The following C5 variants were observed in gnomAD, a reference collection of about 807,000 sequenced individuals.
C5 encodes the protein C3 and PZP-like alpha-2-macroglobulin domain-containing protein 4.
C5 carries 140 observed loss-of-function variants against 218.8 expected under a neutral mutation model. That is an observed-to-expected ratio of 0.64 (90% CI 0.56 to 0.74). The LOEUF is 0.74. Among genes scored for constraint, C5 ranks in the 30% least tolerant of loss-of-function variants. The pLI is 0.00. For missense variants in C5, 1,700 were observed against 1,969.6 expected, an observed-to-expected ratio of 0.86 and a Z score of 2.59; for synonymous variants, 614 against 682.3, an observed-to-expected ratio of 0.90 and a Z score of 1.56.
chr9:121,073,511 C>CTTTT, the C5 span, among the ~76,000 whole-genome samples: 7 of 73,012 alleles, frequency 9.6e-5, no homozygotes, highest in Admixed American at 3.9e-4. Context: ...GAAAACTGGA[C>CTTTT]TTTTTTTTTT....
chr9:120,993,899 G>A (rs535261554), intron 22 of C5, among the ~76,000 whole-genome samples: 1 of 152,320 alleles, frequency 6.6e-6, no homozygotes, highest in South Asian at 2.1e-4. Flanking sequence ...GAAGGGGAAT[G>A]GGAATGGGGT....
intron 39 of C5, among the ~76,000 whole-genome samples, chr9:120,955,013 A>C (rs1271831781): frequency 2.6e-5 from 4 of 152,222 alleles, no homozygotes; most frequent in Non-Finnish European, 5.9e-5. Context: ...AAGAGAGAAC[A>C]GGCAACTACC....
chr9:120,975,555 G>A (rs955063816), intron 29 of C5, among the ~76,000 whole-genome samples: 12 of 152,066 alleles, frequency 7.9e-5, no homozygotes, highest in African/African-American at 2.7e-4. Context: ...GTCATGGGGC[G>A]TACCACTTTC....
At chr9:120,957,503 C>G (rs2046795176) in intron 38 of C5, 135 bp from the exon 39 acceptor site, 8 of 679,300 alleles carry the variant, frequency 1.2e-5, no homozygotes, top group South Asian at 1.5e-5. Context: ...CTCCAAGAAG[C>G]CTTCCCCAAT....
At position 120,974,820 on chromosome 9, in the gene C5, AATT is replaced by A; in HGVS notation, c.3973_3975del (p.Asn1325del). 1 of 1,614,058 alleles carries A rather than the reference AATT, an allele frequency of 6.2e-7. No homozygotes were observed. The highest frequency in any genetic ancestry group is 8.5e-7 in the Non-Finnish European group (1 of 1,179,888). On this transcript the variant is annotated inframe_deletion, in exon 30 of 41. Coordinates refer to ENST00000223642, the MANE Select transcript of C5 (RefSeq NM_001735.3). ...AGGAAATTCTTGTCTGTCATTTTAT[AATT>A]ATGTAAGGCACCTTTATGCTTGTAA...
rs1452496411 is a variant in C5, at chr9:121,008,388, A to G, written c.2348+20T>C. 1.5e-5 allele frequency: 23 copies of G among 1,557,612 alleles called. No individual in the cohort carries two copies. The highest frequency in any genetic ancestry group is 1.9e-5 in the Non-Finnish European group (22 of 1,128,870). On this transcript the variant is annotated intron_variant, in intron 18 of 40. Coordinates refer to ENST00000223642, the MANE Select transcript of C5 (RefSeq NM_001735.3). ...CATTATCCACATTTCTTTCAAGGAA[A>G]CATGAAAGAAGTATAATACCTTCTG...
rs1392255468 is a variant in C5, at chr9:121,037,837, T to C, written c.492+44A>G. On this transcript the variant is annotated intron_variant, in intron 4 of 40. Transcript: ENST00000223642. The stretch of plus-strand genomic sequence containing the variant: ...GGGTTATGAAATGAGATTCTTGTCC[T>C]GAAAAATGAATTAAAGTATTATTTA... 3.5e-6 allele frequency: 3 copies of C among 866,980 alleles called. No individual in the cohort carries two copies. In the East Asian group the frequency reaches 8.1e-5, roughly 23 times the overall value. The allele number at this position is 866,980 out of a possible 1,614,324, so 53.7% of individuals were successfully genotyped here.
chr9:121,014,158 T>G, intron 16 of C5, 88 bp from the exon 17 acceptor site: 5 of 1,108,864 alleles, frequency 4.5e-6, no homozygotes, highest in Non-Finnish European at 4.0e-6. Flanking sequence ...ACCTGGTTTC[T>G]GTTGCTATAT....
chr9:121,071,280 A>C, the C5 span, among the ~76,000 whole-genome samples: 1 of 152,192 alleles, frequency 6.6e-6, no homozygotes, highest in Non-Finnish European at 1.5e-5. Flanking sequence ...TGATCGTGCT[A>C]CTGCACTCCA....
intron 20 of C5, 120 bp downstream of exon 20, chr9:121,005,799 G>A: frequency 1.1e-6 from 1 of 945,464 alleles, no homozygotes; most frequent in Admixed American, 1.9e-5. Flanking sequence ...TTAAGTGTTT[G>A]GTTTCTATTG....
intron 17 of C5, among the ~76,000 whole-genome samples, chr9:121,009,677 C>A (rs943875888): frequency 6.6e-6 from 1 of 152,242 alleles, no homozygotes; most frequent in Non-Finnish European, 1.5e-5. Flanking sequence ...ACAAAAAGCA[C>A]CATCAAGAGA....
intron 30 of C5, among the ~76,000 whole-genome samples, chr9:120,974,136 G>A (rs2046934743): frequency 6.6e-6 from 1 of 152,092 alleles, no homozygotes; most frequent in African/African-American, 2.4e-5. Context: ...CTATATGTGG[G>A]CAGCTAATAT....
intron 3 of C5, among the ~76,000 whole-genome samples, chr9:121,039,329 A>AT (rs1296420183): frequency 2.0e-5 from 3 of 152,054 alleles, no homozygotes; most frequent in Admixed American, 1.3e-4. Context: ...GATCTATACA[A>AT]TTTTTTGTAT....
chr9:120,968,975 CA>C (rs1489494510), intron 33 of C5, 85 bp downstream of exon 33: 2 of 1,174,128 alleles, frequency 1.7e-6, no homozygotes, highest in Non-Finnish European at 1.3e-6. Flanking sequence ...CTGGACATAC[CA>C]AAATTTGAAA....
chr9:121,073,403 T>C, the C5 span, among the ~76,000 whole-genome samples: 212 of 152,326 alleles, frequency 1.4e-3, no homozygotes, highest in African/African-American at 4.8e-3. Flanking sequence ...TGGGTAACCT[T>C]TGTCTAATAA....
intron 22 of C5, among the ~76,000 whole-genome samples, chr9:120,992,386 AC>A: frequency 6.6e-6 from 1 of 152,348 alleles, no homozygotes; most frequent in Middle Eastern, 3.4e-3. Flanking sequence ...GCAAGATACA[AC>A]CTTTCTTAGC....
intron 20 of C5, among the ~76,000 whole-genome samples, chr9:121,000,740 G>A (rs563454614): frequency 6.6e-5 from 10 of 152,294 alleles, no homozygotes; most frequent in Middle Eastern, 3.4e-3. Context: ...GGTAAATGGC[G>A]TGTCGCAGAG....
chr9:121,020,304 GA>G, intron 11 of C5, 125 bp from the exon 12 acceptor site: 2 of 776,152 alleles, frequency 2.6e-6, no homozygotes, highest in Non-Finnish European at 4.4e-6. Flanking sequence ...TGCTAAAGGG[GA>G]AAAAACCCTC....
intron 30 of C5, among the ~76,000 whole-genome samples, chr9:120,973,641 C>CT (rs201818167): frequency 5.9e-5 from 9 of 152,096 alleles, no homozygotes; most frequent in African/African-American, 1.9e-4. Context: ...TATCCATATT[C>CT]TTTTTTTTCA....
Sources: allele counts gnomAD v4.1 joint callset (sites outside exome capture counted in the v4.1 genomes callset), GRCh38; gene constraint gnomAD v4.1.1; transcripts MANE v1.5; gene names NCBI Gene and HGNC (gene_info 2026-07-23, HGNC 2026-07-21).